Variants in YLPM1 observed in about 807,000 individuals in gnomAD.
The protein encoded by YLPM1 is YLP motif containing 1.
A neutral mutation model predicts 230.0 loss-of-function variants in YLPM1; 99 were observed. The ratio of observed to expected loss-of-function variants is 0.43; its 90% CI spans 0.37 to 0.51. The LOEUF is 0.51. YLPM1 is among the 20% of genes least tolerant of loss of function. The pLI is 0.00. For missense variants in YLPM1, 2,592 were observed against 2,707.7 expected, an observed-to-expected ratio of 0.96 and a Z score of 0.95; for synonymous variants, 984 against 942.5, an observed-to-expected ratio of 1.04 and a Z score of -0.81.
chr14:74,821,571 A>C (rs974775015), intron 17 of YLPM1: 1 of 152,704 alleles, frequency 6.5e-6, no homozygotes, highest in African/African-American at 2.4e-5. Context: ...ATGGGGAGGC[A>C]GAGGGTTGCC....
intron 18 of YLPM1, among the ~76,000 whole-genome samples, chr14:74,826,123 A>G (rs17782737): frequency 0.15 from 22,515 of 152,180 alleles, 1,816 homozygotes; most frequent in South Asian, 0.3. Context: ...TAACATATTT[A>G]CAGTCGGGTT....
chr14:74,828,828 G>A lies in YLPM1; in HGVS notation c.6164-385G>A, dbSNP rs2091586805. The stretch of plus-strand genomic sequence containing the variant: ...AACATGATTTCAGATGAAATGGGTG[G>A]TGTTAATATTGTGTTAAAGAAAAAA... On this transcript the variant is annotated intron_variant, in intron 18 of 20. Coordinates refer to ENST00000325680, the MANE Select transcript of YLPM1 (RefSeq NM_019589.3). Among the ~76,000 whole-genome samples the A allele has an allele frequency of 5.3e-5, 8 of 152,246 alleles. No individual in the cohort carries two copies. In the South Asian group the frequency reaches 1.7e-3, roughly 32 times the overall value.
At chr14:74,782,875 C>T (rs926286821) in intron 4 of YLPM1, among the ~76,000 whole-genome samples, 19 of 152,202 alleles carry the variant, frequency 1.2e-4, no homozygotes, top group South Asian at 2.1e-4. Context: ...ATGGAGCTTA[C>T]ATCCTTTATA....
At chr14:74,821,712 C>G (rs1329838422) in intron 17 of YLPM1, 3 of 152,192 alleles carry the variant, frequency 2.0e-5, no homozygotes, top group Admixed American at 6.5e-5. Flanking sequence ...TTTCTGTGTA[C>G]CTAATGTAAA....
chr14:74,778,980 A>G (rs1271397591), intron 2 of YLPM1, among the ~76,000 whole-genome samples: 5 of 152,110 alleles, frequency 3.3e-5, no homozygotes, highest in African/African-American at 1.2e-4. Context: ...AGCTGGGATG[A>G]CAGGCATGCA....
intron 1 of YLPM1, among the ~76,000 whole-genome samples, chr14:74,767,170 C>G (rs1566734657): frequency 6.6e-6 from 1 of 152,178 alleles, no homozygotes; most frequent in Non-Finnish European, 1.5e-5. Flanking sequence ...GCGTGAGCCA[C>G]CGTGCCCGGC....
At chr14:74,832,445 T>G (rs899845478) in intron 19 of YLPM1, among the ~76,000 whole-genome samples, 18 of 152,136 alleles carry the variant, frequency 1.2e-4, no homozygotes, top group Admixed American at 1.2e-3. Context: ...CAAAATATTT[T>G]AATTCCAACT....
chr14:74,766,749 T>C lies in YLPM1; in HGVS notation c.873+2387T>C, dbSNP rs536226103. ...GCCTTGACCTCTCAAAGTGCTGGGA[T>C]TATGGGCATGAACCACCACACCTGG... On this transcript the variant is annotated intron_variant, in intron 1 of 20. Coordinates refer to ENST00000325680, the MANE Select transcript of YLPM1 (RefSeq NM_019589.3). Among the ~76,000 whole-genome samples the C allele has an allele frequency of 7.9e-5, 12 of 151,348 alleles. No homozygotes were observed. The South Asian group carries it at 2.5e-3, about 32-fold the overall frequency.
At chr14:74,765,099 C>T (rs1199140576) in intron 1 of YLPM1, among the ~76,000 whole-genome samples, 1 of 152,060 alleles carries the variant, frequency 6.6e-6, no homozygotes, top group African/African-American at 2.4e-5. Flanking sequence ...ATTTGGCCAA[C>T]GTAAAAAAAG....
chr14:74,832,398 G>A (rs7150254), intron 19 of YLPM1, among the ~76,000 whole-genome samples: 53,925 of 152,114 alleles, frequency 0.35, 11,549 homozygotes, highest in East Asian at 0.54. Context: ...TATAGCATCA[G>A]TATAAATTAG....
intron 1 of YLPM1, among the ~76,000 whole-genome samples, chr14:74,775,259 G>A (rs1009365211): frequency 6.6e-6 from 1 of 152,172 alleles, no homozygotes; most frequent in African/African-American, 2.4e-5. Flanking sequence ...ACATCCTACT[G>A]TGTGCTCTAG....
rs2091479860 is a variant in YLPM1, at chr14:74,816,582, A to G, written c.5577A>G (p.Val1859=). The change falls in exon 13 of 21, where the codon GTA becomes GTG. Residue 1859 remains valine, a synonymous_variant. Coordinates refer to ENST00000325680, the MANE Select transcript of YLPM1 (RefSeq NM_019589.3). ...HVAKLIRDKE[V]EFGGPAPRVL... ...TGTATGATTCTTAGGATAAGGAGGT[A>G]GAATTTGGAGGACCTGCACCCAGAG... 1 of 1,613,114 alleles carries G rather than the reference A, an allele frequency of 6.2e-7. No homozygotes were observed. Among genetic ancestry groups the G allele is most frequent in the Non-Finnish European group, 8.5e-7 (1 of 1,179,612 alleles).
chr14:74,798,696 A>G lies in YLPM1; in HGVS notation c.3399A>G (p.Arg1133=), dbSNP rs1446293594. Residue 1133 remains arginine (R), a synonymous_variant, in exon 5 of 21, where the codon AGA becomes AGG. Transcript: ENST00000325680. The stretch of plus-strand genomic sequence containing the variant: ...TTCGAAGGGCTGGGAGTAGAGAGAG[A>G]ATACCACCCCGAAGAGCTGGGAGCA... ...GPLRRAGSRE[R]IPPRRAGSRE... The G allele has an allele frequency of 1.9e-6, 3 of 1,611,592 alleles. No homozygotes were observed. In the East Asian group the frequency reaches 6.7e-5, roughly 36 times the overall value.
At chr14:74,810,091 C>A in intron 8 of YLPM1, 89 bp downstream of exon 8, 1 of 1,453,786 alleles carries the variant, frequency 6.9e-7, no homozygotes. Context: ...TCTGAGCCTC[C>A]ATTTAATACA....
At chr14:74,791,364 C>T (rs2091205304) in intron 4 of YLPM1, among the ~76,000 whole-genome samples, 1 of 152,138 alleles carries the variant, frequency 6.6e-6, no homozygotes, top group Non-Finnish European at 1.5e-5. Flanking sequence ...TTTCTGGCCC[C>T]CAGAATGAAA....
intron 1 of YLPM1, among the ~76,000 whole-genome samples, 196 bp from the exon 2 acceptor site, chr14:74,778,251 A>G (rs574834693): frequency 6.6e-6 from 1 of 152,310 alleles, no homozygotes; most frequent in Admixed American, 6.5e-5. Context: ...AAATGTATAA[A>G]TTTGGGGGAG....
At chr14:74,770,236 C>T (rs1343425520) in intron 1 of YLPM1, among the ~76,000 whole-genome samples, 2 of 150,216 alleles carry the variant, frequency 1.3e-5, no homozygotes, top group Non-Finnish European at 3.0e-5. Flanking sequence ...GTGCCGGCTA[C>T]TTGCGGGTGG....
chr14:74,798,790 G>T lies in YLPM1; in HGVS notation c.3493G>T (p.Asp1165Tyr). The T allele has an allele frequency of 6.2e-7, 1 of 1,613,934 alleles. No individual in the cohort carries two copies. Among genetic ancestry groups the T allele is most frequent in the Middle Eastern group, 1.6e-4 (1 of 6,062 alleles). ...ACTGGGAAGATCAGATTTTGGTCGT[G>T]ATAGAGGTCCATTCAGACCAGAACC... ...RGLGRSDFGR[D>Y]RGPFRPEPGD... The change falls in exon 5 of 21, where the codon GAT becomes TAT. Residue 1165 changes from aspartate to tyrosine, a missense_variant. Asp to Tyr is a radical substitution (Grantham distance 160). Transcript: ENST00000325680.
Position 74,763,339 on chromosome 14 carries a change from G to C in YLPM1, c.-151G>C, listed in dbSNP as rs554136590. The C allele has an allele frequency of 3.0e-4, 282 of 945,744 alleles. 4 individuals are homozygous for C. In the East Asian group the frequency reaches 8.9e-3, roughly 30 times the overall value. The allele number at this position is 945,744 out of a possible 1,614,324, so 58.6% of individuals were successfully genotyped here. On this transcript the variant is annotated 5_prime_UTR_variant, in exon 1 of 21. Transcript: ENST00000325680. Reference sequence around the variant, plus strand: ...GCCTTCCCGGTCGCGGGCCCAGCTCGGGAGCGCCGGCGCACTGGCGCGCTC... The same window carrying C: ...GCCTTCCCGGTCGCGGGCCCAGCTCCGGAGCGCCGGCGCACTGGCGCGCTC...
Sources: gnomAD v4.1 joint callset for allele counts (sites outside exome capture counted in the v4.1 genomes callset) on GRCh38, gnomAD v4.1.1 for gene constraint, MANE v1.5 for transcripts, NCBI Gene and HGNC (gene_info 2026-07-23, HGNC 2026-07-21) for gene names.